The following HIVEP3 variants were observed in gnomAD, a reference collection of about 807,000 sequenced individuals.
HIVEP3 encodes the protein transcription factor HIVEP3.
A neutral mutation model predicts 152.8 loss-of-function variants in HIVEP3; 49 were observed. The observed-to-expected ratio is 0.32, with a 90% confidence interval of 0.26 to 0.41. HIVEP3 has a LOEUF of 0.41. HIVEP3 is among the 10% of genes least tolerant of loss of function. HIVEP3 has a pLI of 1.00. For synonymous variants in HIVEP3, 1,269 were observed against 1,289.0 expected (o/e 0.98, Z 0.33); for missense variants, 2,790 against 3,103.3 (o/e 0.90, Z 2.40).
chr1:41,846,970 T>C (rs1015325462), intron 1 of HIVEP3, among the ~76,000 whole-genome samples: 3 of 152,354 alleles, frequency 2.0e-5, no homozygotes, highest in Middle Eastern at 3.4e-3. Context: ...GGGTATTCCC[T>C]GTTCCAGGCA....
intron 2 of HIVEP3, among the ~76,000 whole-genome samples, chr1:41,639,530 A>G (rs1411395351): frequency 1.3e-5 from 2 of 152,202 alleles, no homozygotes; most frequent in Admixed American, 1.3e-4. Context: ...AAGGCACTCA[A>G]TAAATGCCTG....
intron 1 of HIVEP3, among the ~76,000 whole-genome samples, chr1:41,974,622 G>C (rs140543671): frequency 8.2e-4 from 124 of 151,790 alleles, no homozygotes; most frequent in African/African-American, 2.9e-3. Flanking sequence ...TCTCTGCTTG[G>C]AATACTCTTT....
At chr1:41,906,989 A>T (rs1174262748) in intron 1 of HIVEP3, among the ~76,000 whole-genome samples, 1 of 152,102 alleles carries the variant, frequency 6.6e-6, no homozygotes, top group Non-Finnish European at 1.5e-5. Context: ...TCAGACCCCC[A>T]GGCAGACTGG....
intron 5 of HIVEP3, among the ~76,000 whole-genome samples, chr1:41,571,351 A>G (rs1644249175): frequency 6.6e-6 from 1 of 152,212 alleles, no homozygotes; most frequent in Non-Finnish European, 1.5e-5. Flanking sequence ...TGTGTGTGAA[A>G]ACAACACTGC....
chr1:41,934,478 A>AT (rs1253625061), intron 1 of HIVEP3, among the ~76,000 whole-genome samples: 2 of 151,854 alleles, frequency 1.3e-5, no homozygotes, highest in East Asian at 3.9e-4. Context: ...ATTCGTAAAG[A>AT]TTTTTTTTCA....
At position 41,857,589 on chromosome 1, in the gene HIVEP3, C is replaced by G. The variant is rs142973388; in HGVS notation, c.-801+60824G>C. ...AATAACATGGGGTTTTCTCCTTAAACAGAGGAACTAGACGGGAACTAATAT... is the reference window on the plus strand; with the variant it reads ...AATAACATGGGGTTTTCTCCTTAAAGAGAGGAACTAGACGGGAACTAATAT... On this transcript the variant is annotated intron_variant, in intron 1 of 8. Transcript: ENST00000372583. 2.6e-3 allele frequency among the ~76,000 whole-genome samples: 395 copies of G among 152,216 alleles called. 2 individuals are homozygous for G. The highest frequency in any genetic ancestry group is 9.0e-3 in the African/African-American group (372 of 41,528).
chr1:41,583,574 G>A lies in HIVEP3; in HGVS notation c.1224C>T (p.Asn408=). The A allele has an allele frequency of 6.2e-7, 1 of 1,614,164 alleles. No homozygotes were observed. Among genetic ancestry groups the A allele is most frequent in the Non-Finnish European group, 8.5e-7 (1 of 1,180,022 alleles). ...TCTCAGCGTAGGACTTGGCGTTGGTGTTTGGGGGGCTGACCTGCTGCTCTG... is the reference window on the plus strand; with the variant it reads ...TCTCAGCGTAGGACTTGGCGTTGGTATTTGGGGGGCTGACCTGCTGCTCTG... The part of the protein sequence containing the change: ...ESAEQQVSPP[N]TNAKSYAEII... Residue 408 remains asparagine, a synonymous_variant, in exon 4 of 9, where the codon AAC becomes AAT. Coordinates refer to ENST00000372583, the MANE Select transcript of HIVEP3 (RefSeq NM_024503.5). This position sits in a 1 kb window ranked among gnomAD's most constrained non-coding sequence, Gnocchi z 6.9.
intron 1 of HIVEP3, among the ~76,000 whole-genome samples, chr1:42,008,279 C>A (rs1645472543): frequency 6.6e-6 from 1 of 152,164 alleles, no homozygotes; most frequent in Non-Finnish European, 1.5e-5. Flanking sequence ...CTTCTCTCCA[C>A]CAACTGCTGA....
rs982260835 is a variant in HIVEP3, at chr1:41,767,339, G to A, written c.-800-66344C>T. On this transcript the variant is annotated intron_variant, in intron 1 of 8. Coordinates refer to ENST00000372583, the MANE Select transcript of HIVEP3 (RefSeq NM_024503.5). ...CAAAGCAGATACAGCTCCCCCAACC[G>A]CTAGAGCTCTGGTTTCATGGCGGGA... 2.6e-5 allele frequency among the ~76,000 whole-genome samples: 4 copies of A among 152,338 alleles called. No homozygotes were observed. The South Asian group carries it at 6.2e-4, about 24-fold the overall frequency.
At chr1:41,807,058 GC>G (rs925257145) in intron 1 of HIVEP3, among the ~76,000 whole-genome samples, 6 of 152,114 alleles carry the variant, frequency 3.9e-5, no homozygotes, top group Non-Finnish European at 8.8e-5. Context: ...CCTACTCTCT[GC>G]CCCCGCTACT....
At chr1:41,958,821 G>A (rs539705268) in intron 1 of HIVEP3, among the ~76,000 whole-genome samples, 7 of 152,322 alleles carry the variant, frequency 4.6e-5, no homozygotes, top group South Asian at 4.1e-4. Flanking sequence ...ATGGACAGTC[G>A]TGCAAGGCTT....
At chr1:41,761,250 A>ATGTATGCATGTGCATG (rs1482226626) in intron 1 of HIVEP3, among the ~76,000 whole-genome samples, 3 of 152,032 alleles carry the variant, frequency 2.0e-5, no homozygotes, top group African/African-American at 7.2e-5. Flanking sequence ...GTACATGTGT[A>ATGTATGCATGTGCATG]TGTATGCATG....
chr1:41,870,420 C>T (rs1255779001), intron 1 of HIVEP3, among the ~76,000 whole-genome samples: 1 of 152,184 alleles, frequency 6.6e-6, no homozygotes, highest in Non-Finnish European at 1.5e-5. Context: ...GTCACCCTCC[C>T]TAAACTGTCA....
intron 1 of HIVEP3, among the ~76,000 whole-genome samples, chr1:41,755,830 C>A (rs1647283154): frequency 6.6e-6 from 1 of 152,160 alleles, no homozygotes; most frequent in Admixed American, 6.5e-5. Context: ...ATACCAAATG[C>A]TGGAAAGAAT....
At chr1:41,800,420 G>A (rs1188089990) in intron 1 of HIVEP3, among the ~76,000 whole-genome samples, 1 of 152,230 alleles carries the variant, frequency 6.6e-6, no homozygotes, top group Non-Finnish European at 1.5e-5. Flanking sequence ...AGGACAAGAG[G>A]TCATGCAGAG....
intron 1 of HIVEP3, among the ~76,000 whole-genome samples, chr1:41,968,356 C>T (rs536858038): frequency 6.6e-6 from 1 of 152,296 alleles, no homozygotes; most frequent in South Asian, 2.1e-4. Flanking sequence ...AAAGCCTACT[C>T]ACCACAATCA....
At chr1:41,886,669 G>A (rs1344710068) in intron 1 of HIVEP3, among the ~76,000 whole-genome samples, 5 of 131,486 alleles carry the variant, frequency 3.8e-5, no homozygotes, top group Non-Finnish European at 6.1e-5. Context: ...CTGAGATCGC[G>A]CCATTGCACT....
chr1:41,996,039 G>C (rs1460949230), intron 1 of HIVEP3, among the ~76,000 whole-genome samples: 1 of 152,160 alleles, frequency 6.6e-6, no homozygotes, highest in African/African-American at 2.4e-5. Flanking sequence ...AATTTTGGCA[G>C]AGAACAGCAG....
At chr1:41,782,354 T>C (rs959681332) in intron 1 of HIVEP3, among the ~76,000 whole-genome samples, 1 of 152,134 alleles carries the variant, frequency 6.6e-6, no homozygotes, top group Non-Finnish European at 1.5e-5. Flanking sequence ...GGGTTTCAGT[T>C]TGGAGAGGCA....
Sources: allele counts gnomAD v4.1 joint callset (sites outside exome capture counted in the v4.1 genomes callset), GRCh38; gene constraint gnomAD v4.1.1; non-coding constraint Gnocchi (gnomAD v3.1); transcripts MANE v1.5; gene names NCBI Gene and HGNC (gene_info 2026-07-23, HGNC 2026-07-21).